JMJD1C: variants seen among roughly 807,000 people sequenced by gnomAD.
The protein encoded by JMJD1C is jumonji domain-containing protein 1C.
JMJD1C carries 31 observed loss-of-function variants against 245.3 expected under a neutral mutation model. That is an observed-to-expected ratio of 0.13 (90% CI 0.09 to 0.17). The LOEUF is 0.17. JMJD1C is among the 10% of genes least tolerant of loss of function. JMJD1C has a pLI of 1.00. For missense variants in JMJD1C, 2,691 were observed against 3,000.2 expected (o/e 0.90, Z 2.41); for synonymous variants, 1,057 against 1,017.4 (o/e 1.04, Z -0.74).
chr10:63,258,815 T>C (rs752808695), intron 3 of JMJD1C, among the ~76,000 whole-genome samples: 5 of 150,940 alleles, frequency 3.3e-5, no homozygotes, highest in Non-Finnish European at 7.4e-5. Context: ...TAAAGATCAT[T>C]ACTTACAAGA....
intron 1 of JMJD1C, among the ~76,000 whole-genome samples, chr10:63,409,635 G>A (rs1949371641): frequency 6.6e-6 from 1 of 152,176 alleles, no homozygotes; most frequent in Non-Finnish European, 1.5e-5. Context: ...ATCTGAGAAG[G>A]TAAGATTGTA....
chr10:63,216,476 T>C (rs1847989958), intron 5 of JMJD1C, among the ~76,000 whole-genome samples: 1 of 151,890 alleles, frequency 6.6e-6, no homozygotes, highest in African/African-American at 2.4e-5. Flanking sequence ...TTTGGGAGGC[T>C]GAGGTGGGCA....
rs1554841947 is a variant in JMJD1C, at chr10:63,217,238, A to T, written c.647T>A (p.Phe216Tyr). Residue 216 changes from phenylalanine to tyrosine, a missense_variant, in exon 5 of 26, where the codon TTC (phenylalanine) becomes TAC (tyrosine). By Grantham distance (22) the Phe-to-Tyr change is conservative. Coordinates refer to ENST00000399262, the MANE Select transcript of JMJD1C (RefSeq NM_032776.3). ...FTGIITHHDL[F>Y]TRTMIVMNDQ... ...ATTCATAACGATCATGGTGCGGGTG[A>T]AGAGATCATGATGAGTAATTATGCC... is the stretch of plus-strand genomic sequence containing the variant. The T allele has an allele frequency of 1.2e-6, 2 of 1,612,300 alleles. No homozygotes were observed. Among genetic ancestry groups the T allele is most frequent in the Non-Finnish European group, 8.5e-7 (1 of 1,178,870 alleles).
intron 1 of JMJD1C, among the ~76,000 whole-genome samples, chr10:63,440,440 A>G (rs1951319166): frequency 6.6e-6 from 1 of 151,838 alleles, no homozygotes. Flanking sequence ...GTATTACTCA[A>G]ATCAATAAGA....
intron 1 of JMJD1C, among the ~76,000 whole-genome samples, chr10:63,411,981 G>A (rs1244596265): frequency 1.4e-5 from 2 of 139,104 alleles, no homozygotes; most frequent in Non-Finnish European, 3.1e-5. Flanking sequence ...GAACTCCTGA[G>A]AACTCCTGAG....
At chr10:63,221,947 C>T (rs1459998576) in intron 3 of JMJD1C, among the ~76,000 whole-genome samples, 2 of 152,166 alleles carry the variant, frequency 1.3e-5, no homozygotes, top group Non-Finnish European at 2.9e-5. Flanking sequence ...GTCTCAAACT[C>T]CTGACCTCAG....
At chr10:63,518,591 G>A (rs772318366) in intron 1 of JMJD1C, among the ~76,000 whole-genome samples, 1 of 152,098 alleles carries the variant, frequency 6.6e-6, no homozygotes, top group Non-Finnish European at 1.5e-5. Flanking sequence ...TCACATAACC[G>A]TTGCATGTGG....
chr10:63,392,106 C>T (rs1198391717), intron 1 of JMJD1C, among the ~76,000 whole-genome samples: 3 of 152,154 alleles, frequency 2.0e-5, no homozygotes, highest in African/African-American at 7.2e-5. Flanking sequence ...GTTCCAAGAA[C>T]ACACAACACA....
intron 22 of JMJD1C, among the ~76,000 whole-genome samples, chr10:63,180,212 A>G (rs1482945047): frequency 6.6e-6 from 1 of 152,090 alleles, no homozygotes; most frequent in African/African-American, 2.4e-5. Context: ...GTTTCACTAT[A>G]TGTTGGCCAG....
intron 1 of JMJD1C, among the ~76,000 whole-genome samples, chr10:63,418,861 G>A (rs1304382061): frequency 2.6e-5 from 4 of 151,852 alleles, no homozygotes; most frequent in Non-Finnish European, 5.9e-5. Context: ...AGGGGATCAC[G>A]AGGTCAGGAG....
At chr10:63,437,638 TTC>T (rs777143291) in intron 1 of JMJD1C, among the ~76,000 whole-genome samples, 1 of 152,214 alleles carries the variant, frequency 6.6e-6, no homozygotes, top group Admixed American at 6.5e-5. Context: ...TCTGCTCCAT[TTC>T]TCTTTTTCCC....
At chr10:63,324,460 C>T (rs770444311) in intron 2 of JMJD1C, among the ~76,000 whole-genome samples, 9 of 152,066 alleles carry the variant, frequency 5.9e-5, no homozygotes, top group South Asian at 2.1e-4. Flanking sequence ...TTCCTGCAGA[C>T]GGAGATCAGA....
intron 3 of JMJD1C, among the ~76,000 whole-genome samples, chr10:63,228,934 TA>T (rs920175633): frequency 2.4e-4 from 36 of 152,292 alleles, no homozygotes; most frequent in African/African-American, 8.4e-4. Context: ...AAAAATTATC[TA>T]ATTTGCAAGA....
At chr10:63,295,973 G>C (rs1267993905) in intron 2 of JMJD1C, among the ~76,000 whole-genome samples, 1 of 32,890 alleles carries the variant, frequency 3.0e-5, no homozygotes, top group South Asian at 8.5e-4. Context: ...GTGTGTGTGT[G>C]TGTGTGTGTG....
At chr10:63,457,621 C>T (rs1347961053) in intron 1 of JMJD1C, among the ~76,000 whole-genome samples, 1 of 151,926 alleles carries the variant, frequency 6.6e-6, no homozygotes, top group Non-Finnish European at 1.5e-5. Flanking sequence ...AATAAAAGTC[C>T]AAGAGGACTT....
At chr10:63,254,859 C>T (rs775359187) in intron 3 of JMJD1C, among the ~76,000 whole-genome samples, 2 of 146,384 alleles carry the variant, frequency 1.4e-5, no homozygotes, top group African/African-American at 5.0e-5. Context: ...AGCTCCCCCC[C>T]TTTTTTTTTT....
chr10:63,455,538 G>A (rs1372120473), intron 1 of JMJD1C, among the ~76,000 whole-genome samples: 1 of 151,886 alleles, frequency 6.6e-6, no homozygotes. Flanking sequence ...TGACACACTG[G>A]ATTCTTATTT....
chr10:63,346,004 C>T (rs565550954), intron 2 of JMJD1C, among the ~76,000 whole-genome samples: 11 of 152,150 alleles, frequency 7.2e-5, no homozygotes, highest in Non-Finnish European at 1.2e-4. Context: ...TTACTCCTTA[C>T]GACTTTCTGT....
At chr10:63,498,369 C>T (rs1001114161) in intron 1 of JMJD1C, among the ~76,000 whole-genome samples, 4 of 152,062 alleles carry the variant, frequency 2.6e-5, no homozygotes, top group African/African-American at 9.7e-5. Flanking sequence ...TGAAAACAAT[C>T]CCTTATCTGA....
Sources: allele counts gnomAD v4.1 joint callset (sites outside exome capture counted in the v4.1 genomes callset), GRCh38; gene constraint gnomAD v4.1.1; transcripts MANE v1.5; gene names NCBI Gene and HGNC (gene_info 2026-07-23, HGNC 2026-07-21).